The following MKS1 variants were observed in gnomAD, a reference collection of about 807,000 sequenced individuals.
MKS1 encodes the protein tectonic-like complex member MKS1.
MKS1 carries 70 observed loss-of-function variants against 83.7 expected under a neutral mutation model. That is an observed-to-expected ratio of 0.84 (90% CI 0.69 to 1.02). The LOEUF is 1.02. Ranked by LOEUF, MKS1 falls within the 50% of genes least tolerant of loss-of-function variation. The pLI is 0.00. For synonymous variants in MKS1, 251 were observed against 273.4 expected (o/e 0.92, Z 0.81); for missense variants, 681 against 726.9 (o/e 0.94, Z 0.73).
chr17:58,215,911 T>G (rs1969167759), intron 4 of MKS1, 177 bp downstream of exon 4: 5 of 762,194 alleles, frequency 6.6e-6, no homozygotes, highest in Non-Finnish European at 1.1e-5. Flanking sequence ...CCTCACCACC[T>G]GTAGACTGTG....
At chr17:58,207,298 G>T in intron 14 of MKS1, 80 bp from the exon 15 acceptor site, 1 of 1,591,324 alleles carries the variant, frequency 6.3e-7, no homozygotes, top group Non-Finnish European at 8.6e-7. Context: ...AATGACACAG[G>T]CCTAGACTCA....
intron 6 of MKS1, 97 bp downstream of exon 6, chr17:58,214,162 C>T: frequency 6.3e-7 from 1 of 1,578,324 alleles, no homozygotes; most frequent in Non-Finnish European, 8.7e-7. Context: ...AAGTCCCTCC[C>T]TCCCCTATAA....
rs971240678 is a variant in MKS1, at chr17:58,211,135, G to A, written c.916-113C>T. Reference sequence around the variant, plus strand: ...CCTGCCACTAGGGGTCAGGCCCTGGGTGTCACTACTGCACTTTCTCCCCAC... The same window carrying A: ...CCTGCCACTAGGGGTCAGGCCCTGGATGTCACTACTGCACTTTCTCCCCAC... On this transcript the variant is annotated intron_variant, in intron 9 of 17. Transcript: ENST00000393119. 6.0e-6 allele frequency: 6 copies of A among 999,142 alleles called. No individual in the cohort carries two copies. The African/African-American group carries it at 9.5e-5, about 16-fold the overall frequency. The allele number at this position is 999,142 out of a possible 1,614,324, so 61.9% of individuals were successfully genotyped here.
rs374632643 is a variant in MKS1 at position 58,210,646 on chromosome 17, G to C, written c.1024+13C>G. ...AATGGGTATAAAAGGAGAGACTTAA[G>C]AATATTACTTACGAGCAGTTGGCAA... On this transcript the variant is annotated intron_variant, in intron 11 of 17. Transcript: ENST00000393119. 1.0e-4 allele frequency: 164 copies of C among 1,610,364 alleles called. No homozygotes were observed. In the African/African-American group the frequency reaches 2.0e-3, roughly 20 times the overall value.
At chr17:58,206,988 A>C in intron 15 of MKS1, 97 bp downstream of exon 15, 1 of 1,535,862 alleles carries the variant, frequency 6.5e-7, no homozygotes, top group Admixed American at 1.7e-5. Context: ...ATACTGAAGC[A>C]ATGCACAACT....
At chr17:58,207,594 G>T in intron 14 of MKS1, 1 of 547,264 alleles carries the variant, frequency 1.8e-6, no homozygotes, top group East Asian at 3.3e-5. Flanking sequence ...ATTCCAAACT[G>T]AATGCTGATT....
chr17:58,206,647 C>T (rs773796261), intron 15 of MKS1, 100 bp from the exon 16 acceptor site: 71 of 1,201,284 alleles, frequency 5.9e-5, no homozygotes, highest in Non-Finnish European at 7.8e-5. Context: ...TCTTGGGAAG[C>T]GCAGTTCTGT....
Position 58,210,995 on chromosome 17 carries a change from C to A in MKS1, c.943G>T (p.Val315Leu), listed in dbSNP as rs774654581. Residue 315 changes from valine (V) to leucine (L), a missense_variant, in exon 10 of 18, where the codon GTA (valine) becomes TTA (leucine). By Grantham distance (32) the Val-to-Leu change is conservative. Around this residue, in one of 3 missense-constraint regions of MKS1, gnomAD observed 310 missense variants for 321.7 expected, o/e 0.96. Coordinates refer to ENST00000393119, the MANE Select transcript of MKS1 (RefSeq NM_017777.4). ...AGACACTTACCGACCTCTCCATTTA[C>A]AAAGAGCCGGAGGGCACCTGGGACA... Reference protein sequence around the residue: ...MTVPGALRLFVNGEVVSAQGY... With the variant: ...MTVPGALRLFLNGEVVSAQGY... 1 of 1,614,056 alleles carries A rather than the reference C, an allele frequency of 6.2e-7. No individual in the cohort carries two copies. The highest frequency in any genetic ancestry group is 8.5e-7 in the Non-Finnish European group (1 of 1,179,998).
chr17:58,218,775 G>A, intron 1 of MKS1, 46 bp from the exon 2 acceptor site: 2 of 1,491,248 alleles, frequency 1.3e-6, no homozygotes, highest in Non-Finnish European at 1.9e-6. Flanking sequence ...ACGCAACCAG[G>A]AGATGAACAC....
rs1969456858 is a variant in MKS1, at chr17:58,219,255, C to G, written c.-25G>C. ...TGACAGCTGCGACGCGCCGCGACTGCGCCGGAAAGCGCGCCGCTCTGTTTT... is the reference window on the plus strand; with the variant it reads ...TGACAGCTGCGACGCGCCGCGACTGGGCCGGAAAGCGCGCCGCTCTGTTTT... On this transcript the variant is annotated 5_prime_UTR_variant, in exon 1 of 18. Transcript: ENST00000393119. 1 of 1,548,202 alleles carries G rather than the reference C, an allele frequency of 6.5e-7. No homozygotes were observed. The highest frequency in any genetic ancestry group is 1.4e-5 in the African/African-American group (1 of 73,046).
At position 58,216,867 on chromosome 17, in the gene MKS1, A is replaced by C. The variant is rs574966625; in HGVS notation, c.191-131T>G. ...ACTAGCTGGAATTCAGCAATTTAGT[A>C]AGCACTCAACCTAGAGAAATGCTAG... On this transcript the variant is annotated intron_variant, in intron 2 of 17. Transcript: ENST00000393119. 2.2e-4 allele frequency: 197 copies of C among 878,856 alleles called. No individual in the cohort carries two copies. The South Asian group carries it at 2.7e-3, about 12-fold the overall frequency. The allele number at this position is 878,856 out of a possible 1,614,324, so 54.4% of individuals were successfully genotyped here. A position where few individuals can be genotyped will look rare whatever the true frequency, so the allele number is the denominator to read the frequency against.
At position 58,213,027 on chromosome 17, in the gene MKS1, G is replaced by T. The variant is rs201961765; in HGVS notation, c.813C>A (p.His271Gln). 60 of 1,614,148 alleles carry T rather than the reference G, an allele frequency of 3.7e-5. No homozygotes were observed. Among genetic ancestry groups the T allele is most frequent in the Middle Eastern group, 1.6e-4 (1 of 6,062 alleles). Residue 271 changes from histidine to glutamine, a missense_variant, in exon 8 of 18, where the codon CAC becomes CAA. Coordinates refer to ENST00000393119, the MANE Select transcript of MKS1 (RefSeq NM_017777.4). ...CCCGCTCCTCCTCCTCCGGCTGTGCGTGGGGGGAAACATTGTCGATCGTAT... is the reference window on the plus strand; with the variant it reads ...CCCGCTCCTCCTCCTCCGGCTGTGCTTGGGGGGAAACATTGTCGATCGTAT... ...WKYTIDNVSP[H>Q]AQPEEEERER...
intron 4 of MKS1, 68 bp downstream of exon 4, chr17:58,216,020 A>G: frequency 6.4e-7 from 1 of 1,567,466 alleles, no homozygotes; most frequent in South Asian, 1.1e-5. Flanking sequence ...TAACACACAG[A>G]ACTCAGTGAG....
chr17:58,207,301 T>C lies in MKS1; in HGVS notation c.1274-83A>G, dbSNP rs952330753. 3 of 1,582,844 alleles carry C rather than the reference T, an allele frequency of 1.9e-6. No homozygotes were observed. The African/African-American group carries it at 4.0e-5, about 21-fold the overall frequency. On this transcript the variant is annotated intron_variant, in intron 14 of 17. Coordinates refer to ENST00000393119, the MANE Select transcript of MKS1 (RefSeq NM_017777.4). ...TGACTCCCCAGCAATGACACAGGCCTAGACTCAGCTAAAACACCTGGTCTG... is the reference window on the plus strand; with the variant it reads ...TGACTCCCCAGCAATGACACAGGCCCAGACTCAGCTAAAACACCTGGTCTG...
rs201237547 is a variant in MKS1 at position 58,213,077 on chromosome 17, C to T, written c.763G>A (p.Gly255Arg). The stretch of plus-strand genomic sequence containing the variant: ...TATTTCCACAGCTCCTGCTTCTCCC[C>T]CTCCGTCTCAATCCTGTAAGGTCAA... ...LKGPYRIETEGEKQELWKYTI... is the reference protein window; with the variant it reads ...LKGPYRIETEREKQELWKYTI... The change falls in exon 8 of 18, where the codon GGG becomes AGG. Residue 255 changes from glycine to arginine, a missense_variant. Coordinates refer to ENST00000393119, the MANE Select transcript of MKS1 (RefSeq NM_017777.4). 6.8e-6 allele frequency: 11 copies of T among 1,614,066 alleles called. No homozygotes were observed. Among genetic ancestry groups the T allele is most frequent in the African/African-American group, 1.3e-5 (1 of 74,906 alleles).
At position 58,208,368 on chromosome 17, in the gene MKS1, C is replaced by A. The variant is rs545804898; in HGVS notation, c.1095+145G>T. 11 of 1,023,042 alleles carry A rather than the reference C, an allele frequency of 1.1e-5. No homozygotes were observed. In the South Asian group the frequency reaches 1.4e-4, roughly 13 times the overall value. The allele number at this position is 1,023,042 out of a possible 1,614,324, so 63.4% of individuals were successfully genotyped here. A position where few individuals can be genotyped will look rare whatever the true frequency, so the allele number is the denominator to read the frequency against. ...AAAAAGACAGACAGGATCTCCGGAC[C>A]AGGTGGCCCTGTAGAACCCACACAC... is the stretch of plus-strand genomic sequence containing the variant. On this transcript the variant is annotated intron_variant, in intron 12 of 17. Coordinates refer to ENST00000393119, the MANE Select transcript of MKS1 (RefSeq NM_017777.4).
chr17:58,208,971 C>T (rs1968705352), intron 11 of MKS1, among the ~76,000 whole-genome samples: 2 of 152,174 alleles, frequency 1.3e-5, no homozygotes, highest in African/African-American at 4.8e-5. Context: ...TCAGAGAGCA[C>T]GGGGTTGGGG....
chr17:58,208,592 C>T lies in MKS1; in HGVS notation c.1025-9G>A, dbSNP rs1180553767. The T allele has an allele frequency of 6.2e-7, 1 of 1,613,674 alleles. No homozygotes were observed. The highest frequency in any genetic ancestry group is 1.3e-5 in the African/African-American group (1 of 74,850). On this transcript the variant is annotated splice_polypyrimidine_tract_variant and intron_variant, in intron 11 of 17. Coordinates refer to ENST00000393119, the MANE Select transcript of MKS1 (RefSeq NM_017777.4). Reference sequence around the variant, plus strand: ...TGCTGGGCTTGACCAGTCTGAAAGCCAAAGACCAAATATAGTAAGCTCGCC... The same window carrying T: ...TGCTGGGCTTGACCAGTCTGAAAGCTAAAGACCAAATATAGTAAGCTCGCC...
At chr17:58,207,762 A>C in intron 14 of MKS1, 132 bp downstream of exon 14, 2 of 881,896 alleles carry the variant, frequency 2.3e-6, no homozygotes, top group Non-Finnish European at 3.7e-6. Flanking sequence ...CCTCAGAGGA[A>C]CAGGAACTCT....
Sources: gnomAD v4.1 joint callset for allele counts (sites outside exome capture counted in the v4.1 genomes callset) on GRCh38, gnomAD v4.1.1 for gene constraint, gnomAD v4.1.1 regional missense constraint, MANE v1.5 for transcripts, NCBI Gene and HGNC (gene_info 2026-07-23, HGNC 2026-07-21) for gene names.